Variants in AGBL4 observed in about 807,000 individuals in gnomAD.
AGBL4 encodes the protein AGBL carboxypeptidase 4.
Under a neutral mutation model 66.4 loss-of-function variants are expected in AGBL4, and 58 were observed. That is an observed-to-expected ratio of 0.87 (90% CI 0.71 to 1.09). The LOEUF (loss-of-function observed/expected upper bound fraction) is 1.09. Ranked by LOEUF, AGBL4 falls within the 50% of genes least tolerant of loss-of-function variation. The pLI is 0.00. For missense variants in AGBL4, 579 were observed against 631.0 expected (o/e 0.92, Z 0.88); for synonymous variants, 234 against 222.9 (o/e 1.05, Z -0.44).
intron 3 of AGBL4, among the ~76,000 whole-genome samples, chr1:49,567,538 T>A (rs897115079): frequency 6.6e-6 from 1 of 152,164 alleles, no homozygotes; most frequent in Non-Finnish European, 1.5e-5. Flanking sequence ...TAGTAATTTT[T>A]AAAAATATTA....
rs533727676 is a variant in AGBL4 at position 49,222,545 on chromosome 1, T to C, written c.377+23225A>G. On this transcript the variant is annotated intron_variant, in intron 4 of 13. Coordinates refer to ENST00000371839, the MANE Select transcript of AGBL4 (RefSeq NM_032785.4). ...GTGGATCTTCATATAGGGAAATAGA[T>C]GCCATGGCCAGTGATATCAGTGAAG... Among the ~76,000 whole-genome samples the C allele has an allele frequency of 7.2e-5, 11 of 152,324 alleles. No individual in the cohort carries two copies. In the South Asian group the frequency reaches 1.5e-3, roughly 20 times the overall value.
intron 2 of AGBL4, among the ~76,000 whole-genome samples, chr1:49,705,661 G>C (rs2124639593): frequency 6.6e-6 from 1 of 152,170 alleles, no homozygotes; most frequent in Admixed American, 6.6e-5. Context: ...CATTCAGTAT[G>C]ATATTGGCTG....
intron 4 of AGBL4, among the ~76,000 whole-genome samples, chr1:49,209,468 T>A (rs574809331): frequency 2.4e-4 from 36 of 152,250 alleles, no homozygotes; most frequent in African/African-American, 1.9e-4. Context: ...TCATTTTTGA[T>A]ACTCTATTTC....
intron 2 of AGBL4, among the ~76,000 whole-genome samples, chr1:49,731,849 T>C (rs1049728270): frequency 2.0e-5 from 3 of 152,096 alleles, no homozygotes; most frequent in African/African-American, 7.2e-5. Flanking sequence ...ATATACATGA[T>C]AAAAAGAATA....
rs528531352 is a variant in AGBL4 at position 48,644,979 on chromosome 1, G to C, written c.839+8358C>G. On this transcript the variant is annotated intron_variant, in intron 8 of 13. Coordinates refer to ENST00000371839, the MANE Select transcript of AGBL4 (RefSeq NM_032785.4). Reference sequence around the variant, plus strand: ...TCCTCAGAGGCCTGTCTTCACTGTAGAATCAATTATTAAGATCAACTTGCT... The same window carrying C: ...TCCTCAGAGGCCTGTCTTCACTGTACAATCAATTATTAAGATCAACTTGCT... Among the ~76,000 whole-genome samples, 10 of 152,324 alleles carry C rather than the reference G, an allele frequency of 6.6e-5. No individual in the cohort carries two copies. The South Asian group carries it at 1.7e-3, about 25-fold the overall frequency.
At chr1:49,773,455 T>C (rs1163509998) in intron 2 of AGBL4, among the ~76,000 whole-genome samples, 1 of 152,214 alleles carries the variant, frequency 6.6e-6, no homozygotes, top group Non-Finnish European at 1.5e-5. Flanking sequence ...TTCCTGTAGA[T>C]GGACCCTAGG....
At chr1:48,539,977 A>G (rs1459246298) in intron 11 of AGBL4, among the ~76,000 whole-genome samples, 5 of 152,182 alleles carry the variant, frequency 3.3e-5, no homozygotes, top group African/African-American at 1.2e-4. Flanking sequence ...GCCTAAGGTC[A>G]CAAAACTGGG....
chr1:49,807,310 G>T (rs1557466416), intron 2 of AGBL4, among the ~76,000 whole-genome samples: 1 of 152,200 alleles, frequency 6.6e-6, no homozygotes, highest in Admixed American at 6.5e-5. Flanking sequence ...GCCAAGTAAA[G>T]CTGCAGAAAT....
chr1:49,748,847 T>C (rs1019442909), intron 2 of AGBL4, among the ~76,000 whole-genome samples: 2 of 152,194 alleles, frequency 1.3e-5, no homozygotes, highest in African/African-American at 2.4e-5. Context: ...CACATTTTGA[T>C]GGGGCTGTTT....
At chr1:48,695,429 A>G (rs1460446547) in intron 6 of AGBL4, among the ~76,000 whole-genome samples, 1 of 152,246 alleles carries the variant, frequency 6.6e-6, no homozygotes. Flanking sequence ...CCCTAATTTC[A>G]GTATAATCAA....
intron 3 of AGBL4, among the ~76,000 whole-genome samples, chr1:49,310,793 G>A (rs1288653777): frequency 1.3e-5 from 2 of 151,830 alleles, no homozygotes; most frequent in Non-Finnish European, 1.5e-5. Context: ...TATGTGTCAG[G>A]CATTATTCTA....
At chr1:49,594,314 A>T (rs1644810278) in intron 3 of AGBL4, among the ~76,000 whole-genome samples, 1 of 152,078 alleles carries the variant, frequency 6.6e-6, no homozygotes, top group African/African-American at 2.4e-5. Flanking sequence ...GCCATTTGTT[A>T]ATTTCTGGAT....
chr1:49,654,669 A>G (rs1236255031), intron 3 of AGBL4, among the ~76,000 whole-genome samples: 1 of 152,194 alleles, frequency 6.6e-6, no homozygotes, highest in African/African-American at 2.4e-5. Context: ...TCGCTTTATC[A>G]TTATATAATG....
At chr1:48,821,064 C>T (rs978617469) in intron 6 of AGBL4, among the ~76,000 whole-genome samples, 2 of 152,160 alleles carry the variant, frequency 1.3e-5, no homozygotes, top group African/African-American at 4.8e-5. Context: ...TATCATCTTA[C>T]ACCAGTAAGA....
intron 4 of AGBL4, among the ~76,000 whole-genome samples, chr1:49,220,097 T>C (rs2148274799): frequency 6.6e-6 from 1 of 152,320 alleles, no homozygotes; most frequent in South Asian, 2.1e-4. Flanking sequence ...TTGATTACAA[T>C]GTCTCAGATA....
intron 1 of AGBL4, among the ~76,000 whole-genome samples, chr1:49,917,326 G>T (rs570543233): frequency 2.6e-5 from 4 of 151,866 alleles, no homozygotes; most frequent in Admixed American, 2.0e-4. Context: ...TCAGTGTGCT[G>T]TATTCAGGAA....
intron 3 of AGBL4, among the ~76,000 whole-genome samples, chr1:49,573,360 A>G (rs931300015): frequency 1.3e-5 from 2 of 152,114 alleles, no homozygotes; most frequent in Non-Finnish European, 2.9e-5. Context: ...TCTACTTCTA[A>G]TAGTATGGAG....
At chr1:49,582,327 G>A (rs1571101506) in intron 3 of AGBL4, among the ~76,000 whole-genome samples, 1 of 152,200 alleles carries the variant, frequency 6.6e-6, no homozygotes, top group East Asian at 1.9e-4. Context: ...CCTTCCACAA[G>A]GTAGGAGTGG....
intron 1 of AGBL4, among the ~76,000 whole-genome samples, chr1:49,942,613 A>G (rs1654865127): frequency 6.6e-6 from 1 of 152,204 alleles, no homozygotes; most frequent in South Asian, 2.1e-4. Context: ...ATAGTGTTGG[A>G]AAGATTGTCT....
Sources: gnomAD v4.1 joint callset for allele counts (sites outside exome capture counted in the v4.1 genomes callset) on GRCh38, gnomAD v4.1.1 for gene constraint, MANE v1.5 for transcripts, NCBI Gene and HGNC (gene_info 2026-07-23, HGNC 2026-07-21) for gene names.